The following DDX46 variants were observed in gnomAD, a reference collection of about 807,000 sequenced individuals.
DDX46 encodes the protein probable ATP-dependent RNA helicase DDX46.
A neutral mutation model predicts 134.9 loss-of-function variants in DDX46; 30 were observed. The observed-to-expected ratio is 0.22, with a 90% CI of 0.17 to 0.30. The LOEUF (loss-of-function observed/expected upper bound fraction) is 0.30, where lower values mean the gene tolerates loss of function less well. Among genes scored for constraint, DDX46 ranks in the 10% least tolerant of loss-of-function variants. The pLI, the probability that DDX46 is intolerant of heterozygous loss-of-function variation, is 1.00. For missense variants in DDX46, 622 were observed against 1,248.7 expected (o/e 0.50, Z 7.56); for synonymous variants, 415 against 404.1 (o/e 1.03, Z -0.32).
At chr5:134,825,010 A>G (rs929205318) in intron 21 of DDX46, among the ~76,000 whole-genome samples, 3 of 152,230 alleles carry the variant, frequency 2.0e-5, no homozygotes, top group Non-Finnish European at 4.4e-5. Context: ...GACCAATGAA[A>G]GGAAATGCCC....
chr5:134,828,355 A>G (rs1237316587), intron 22 of DDX46, among the ~76,000 whole-genome samples: 1 of 152,226 alleles, frequency 6.6e-6, no homozygotes, highest in African/African-American at 2.4e-5. Flanking sequence ...TATTTCACCA[A>G]GGAGTGGTCG....
In DDX46 at chr5:134,829,516, T is replaced by C. The variant is rs1327571882; in HGVS notation, c.*810T>C. ...TATCTATACATGTTGTATGTACAAA[T>C]ATCCTACTACTTTTAATCTGATTTT... is the stretch of plus-strand genomic sequence containing the variant. On this transcript the variant is annotated 3_prime_UTR_variant, in exon 23 of 23. Transcript: ENST00000452510. 1 of 152,176 alleles carries C rather than the reference T, an allele frequency of 6.6e-6. No individual in the cohort carries two copies. The highest frequency in any genetic ancestry group is 1.5e-5 in the Non-Finnish European group (1 of 68,022). The allele number at this position is 152,176 out of a possible 1,614,324, so 9.4% of individuals were successfully genotyped here.
At chr5:134,808,406 T>G (rs913018435) in intron 16 of DDX46, among the ~76,000 whole-genome samples, 5 of 152,168 alleles carry the variant, frequency 3.3e-5, no homozygotes, top group Non-Finnish European at 4.4e-5. Flanking sequence ...AATAAAGTAT[T>G]GAATATCTCA....
At chr5:134,776,332 G>T (rs920021816) in intron 5 of DDX46, among the ~76,000 whole-genome samples, 2 of 151,792 alleles carry the variant, frequency 1.3e-5, no homozygotes, top group East Asian at 3.9e-4. Flanking sequence ...GAAGGTTGCC[G>T]TCAGTGAGCC....
At chr5:134,801,357 T>C (rs1019273538) in intron 15 of DDX46, among the ~76,000 whole-genome samples, 4 of 152,142 alleles carry the variant, frequency 2.6e-5, no homozygotes, top group Non-Finnish European at 5.9e-5. Flanking sequence ...TTAATAACTT[T>C]GATATGCATC....
chr5:134,759,085 A>T (rs1753295012), intron 1 of DDX46, 130 bp downstream of exon 1: 1 of 1,410,668 alleles, frequency 7.1e-7, no homozygotes, highest in African/African-American at 1.4e-5. Flanking sequence ...CCCCGCGAGC[A>T]TTGGAAGGGC....
chr5:134,788,384 G>A, intron 11 of DDX46, 129 bp from the exon 12 acceptor site: 1 of 646,400 alleles, frequency 1.5e-6, no homozygotes, highest in South Asian at 2.5e-5. Context: ...GTAGTGCCCC[G>A]AGATTCAAAA....
intron 1 of DDX46, 133 bp from the exon 2 acceptor site, chr5:134,763,771 A>G: frequency 9.1e-7 from 1 of 1,104,874 alleles, no homozygotes; most frequent in Non-Finnish European, 1.3e-6. Flanking sequence ...TTCCCTCCTA[A>G]TTTTAGAAAA....
chr5:134,807,234 C>T (rs1195693861), intron 15 of DDX46, among the ~76,000 whole-genome samples: 2 of 145,758 alleles, frequency 1.4e-5, no homozygotes, highest in African/African-American at 5.1e-5. Flanking sequence ...GTTGGTCAGG[C>T]TGGTCTCGAA....
chr5:134,769,207 A>G (rs763946472), intron 3 of DDX46, among the ~76,000 whole-genome samples: 11 of 151,920 alleles, frequency 7.2e-5, no homozygotes, highest in Admixed American at 2.6e-4. Flanking sequence ...TATCCTACCT[A>G]TAAACAAACT....
intron 9 of DDX46, 25 bp downstream of exon 9, chr5:134,783,090 T>C (rs1561859329): frequency 6.2e-7 from 1 of 1,609,978 alleles, no homozygotes; most frequent in Non-Finnish European, 8.5e-7. Context: ...GTTGTTTATG[T>C]TTTCCGTGTC....
intron 2 of DDX46, among the ~76,000 whole-genome samples, chr5:134,765,426 G>A (rs1015337851): frequency 1.3e-5 from 2 of 151,244 alleles, no homozygotes; most frequent in African/African-American, 2.4e-5. Context: ...GGTGGTGCAT[G>A]CCTGTAAACC....
intron 21 of DDX46, among the ~76,000 whole-genome samples, chr5:134,820,428 T>A (rs1755409558): frequency 6.6e-6 from 1 of 152,144 alleles, no homozygotes; most frequent in Non-Finnish European, 1.5e-5. Flanking sequence ...AATGGCACGA[T>A]CTTGGCTTAC....
chr5:134,818,639 T>C (rs1385205034), intron 20 of DDX46, among the ~76,000 whole-genome samples: 2 of 150,430 alleles, frequency 1.3e-5, no homozygotes, highest in Non-Finnish European at 3.0e-5. Context: ...GAGGCGGAGG[T>C]TGCGGTGAGC....
intron 22 of DDX46, 83 bp from the exon 23 acceptor site, chr5:134,828,568 GGTTTGTTT>G: frequency 1.3e-6 from 1 of 770,160 alleles, no homozygotes; most frequent in African/African-American, 1.9e-5. Flanking sequence ...TTTCCTTTTG[GGTTTGTTT>G]GGTTGGTTGG....
intron 5 of DDX46, among the ~76,000 whole-genome samples, chr5:134,776,115 G>T (rs575965994): frequency 6.6e-6 from 1 of 152,300 alleles, no homozygotes; most frequent in East Asian, 1.9e-4. Context: ...TTAGAGGCTG[G>T]GCGCGCTGGT....
intron 15 of DDX46, among the ~76,000 whole-genome samples, chr5:134,796,979 C>T (rs1422517441): frequency 1.3e-5 from 2 of 149,092 alleles, no homozygotes; most frequent in Non-Finnish European, 1.5e-5. Context: ...TGGAGAAACC[C>T]GTCTCTATTA....
intron 19 of DDX46, chr5:134,817,256 A>G: frequency 2.2e-6 from 1 of 452,872 alleles, no homozygotes; most frequent in Admixed American, 4.0e-5. Context: ...TCTATGATCT[A>G]GTAGAATATT....
At chr5:134,787,456 A>G (rs896467237) in intron 11 of DDX46, among the ~76,000 whole-genome samples, 17 of 152,214 alleles carry the variant, frequency 1.1e-4, no homozygotes, top group African/African-American at 4.1e-4. Context: ...CTTAACTACA[A>G]AACTGTTTCT....
Sources: allele counts gnomAD v4.1 joint callset (sites outside exome capture counted in the v4.1 genomes callset), GRCh38; gene constraint gnomAD v4.1.1; transcripts MANE v1.5; gene names NCBI Gene and HGNC (gene_info 2026-07-23, HGNC 2026-07-21).